COG5: variants seen among roughly 807,000 people sequenced by gnomAD.
COG5 encodes conserved oligomeric Golgi complex subunit 5.
COG5 carries 86 observed loss-of-function variants against 110.4 expected under a neutral mutation model. The observed-to-expected ratio is 0.78, with a 90% CI of 0.65 to 0.93. COG5 has a LOEUF of 0.93. Among genes scored for constraint, COG5 ranks in the 40% least tolerant of loss-of-function variants. The pLI, the probability that COG5 is intolerant of heterozygous loss-of-function variation, is 0.00. For synonymous variants in COG5, 360 were observed against 334.6 expected (o/e 1.08, Z -0.83); for missense variants, 1,077 against 987.0 (o/e 1.09, Z -1.22).
chr7:107,415,826 A>G (rs1265334797), intron 6 of COG5, among the ~76,000 whole-genome samples: 4 of 85,260 alleles, frequency 4.7e-5, no homozygotes, highest in Non-Finnish European at 1.1e-4. Flanking sequence ...ACATACACGT[A>G]TGTATGTATG....
At chr7:107,245,888 A>G (rs866722209) in intron 17 of COG5, among the ~76,000 whole-genome samples, 6 of 152,206 alleles carry the variant, frequency 3.9e-5, no homozygotes, top group African/African-American at 1.4e-4. Flanking sequence ...TGGGACCAAA[A>G]AAGAGCCTGA....
intron 11 of COG5, among the ~76,000 whole-genome samples, chr7:107,320,408 T>C (rs1809154551): frequency 6.6e-6 from 1 of 152,218 alleles, no homozygotes; most frequent in South Asian, 2.1e-4. Flanking sequence ...CCATAGATCA[T>C]TCAAACATCC....
chr7:107,552,299 G>A (rs1045635279), intron 3 of COG5, among the ~76,000 whole-genome samples: 1 of 152,046 alleles, frequency 6.6e-6, no homozygotes, highest in African/African-American at 2.4e-5. Context: ...ATTAAAACTA[G>A]TGAGCTTCTG....
At chr7:107,430,619 A>G (rs945856188) in intron 6 of COG5, among the ~76,000 whole-genome samples, 1 of 152,192 alleles carries the variant, frequency 6.6e-6, no homozygotes, top group Non-Finnish European at 1.5e-5. Context: ...TATGAATTTT[A>G]GGATCATTTT....
In COG5 at chr7:107,250,692, T is replaced by TA. The variant is rs201671762; in HGVS notation, c.1750-2194dup. Among the ~76,000 whole-genome samples the TA allele has an allele frequency of 1.9e-3, 291 of 151,080 alleles. 2 individuals are homozygous for TA. Among genetic ancestry groups the TA allele is most frequent in the African/African-American group, 6.3e-3 (259 of 41,182 alleles). On this transcript the variant is annotated intron_variant, in intron 16 of 21. Transcript: ENST00000297135. ...AATCTCAGTAGAGTGAATGAAAATG[T>TA]AAAAAAAAAGTTATATTTAAACTTA...
chr7:107,235,567 G>A (rs1046421781), intron 18 of COG5, among the ~76,000 whole-genome samples: 7 of 152,188 alleles, frequency 4.6e-5, no homozygotes, highest in African/African-American at 1.7e-4. Context: ...TCCAGGCGTG[G>A]TGGCGCGTGC....
intron 5 of COG5, among the ~76,000 whole-genome samples, chr7:107,530,929 C>G (rs2129160096): frequency 6.6e-6 from 1 of 152,226 alleles, no homozygotes; most frequent in South Asian, 2.1e-4. Context: ...ACACACAGAT[C>G]AGGAGACAGG....
At chr7:107,235,452 C>T (rs1447383913) in intron 18 of COG5, among the ~76,000 whole-genome samples, 2 of 152,220 alleles carry the variant, frequency 1.3e-5, no homozygotes, top group African/African-American at 4.8e-5. Flanking sequence ...CGCCTGTAAT[C>T]CCAACACTTT....
In COG5 at chr7:107,258,399, T is replaced by G; in HGVS notation, c.1576-16A>C. 1 of 1,404,440 alleles carries G rather than the reference T, an allele frequency of 7.1e-7. No individual in the cohort carries two copies. The highest frequency in any genetic ancestry group is 1.0e-6 in the Non-Finnish European group (1 of 989,178). 87.0% of individuals were successfully genotyped at this position (1,404,440 alleles called of 1,614,324 possible). On this transcript the variant is annotated splice_polypyrimidine_tract_variant and intron_variant, in intron 14 of 21. Coordinates refer to ENST00000297135, the MANE Select transcript of COG5 (RefSeq NM_006348.5). Reference sequence around the variant, plus strand: ...GTGTGGAGAGCTGTAAGAATTCAATTTCAAAAGAATGTGTCAGAATGATAA... The same window carrying G: ...GTGTGGAGAGCTGTAAGAATTCAATGTCAAAAGAATGTGTCAGAATGATAA...
At chr7:107,378,696 G>A (rs542259384) in intron 7 of COG5, among the ~76,000 whole-genome samples, 2 of 152,222 alleles carry the variant, frequency 1.3e-5, no homozygotes, top group Non-Finnish European at 1.5e-5. Flanking sequence ...TCAGCTCAAT[G>A]AAATAAAGCA....
At chr7:107,225,874 C>T (rs1374487963) in intron 19 of COG5, among the ~76,000 whole-genome samples, 1 of 152,040 alleles carries the variant, frequency 6.6e-6, no homozygotes, top group Non-Finnish European at 1.5e-5. Context: ...GAAACCCCGT[C>T]TCTACTAAAA....
chr7:107,493,230 T>C (rs1286760508), intron 6 of COG5, among the ~76,000 whole-genome samples: 1 of 152,192 alleles, frequency 6.6e-6, no homozygotes, highest in Non-Finnish European at 1.5e-5. Flanking sequence ...CAACTTGTTC[T>C]TGGACTTTCT....
At chr7:107,360,224 T>C (rs148281292) in intron 10 of COG5, among the ~76,000 whole-genome samples, 242 of 152,204 alleles carry the variant, frequency 1.6e-3, no homozygotes, top group African/African-American at 5.5e-3. Flanking sequence ...ATACTGCAGG[T>C]CACCTCTCCA....
chr7:107,358,183 G>A (rs543458104), intron 10 of COG5, among the ~76,000 whole-genome samples: 1 of 152,126 alleles, frequency 6.6e-6, no homozygotes, highest in South Asian at 2.1e-4. Flanking sequence ...CTGTTCTTAT[G>A]TTGTTTGTAG....
chr7:107,350,932 A>T (rs186177193), intron 10 of COG5, among the ~76,000 whole-genome samples: 1 of 152,148 alleles, frequency 6.6e-6, no homozygotes, highest in Non-Finnish European at 1.5e-5. Flanking sequence ...TTATCTTTAC[A>T]TGTATCTATA....
chr7:107,412,660 A>T (rs896819763), intron 6 of COG5, 28 bp from the exon 7 acceptor site: 3 of 1,340,322 alleles, frequency 2.2e-6, no homozygotes, highest in Non-Finnish European at 3.2e-6. Context: ...ATACACATTC[A>T]AATATTTCAA....
At chr7:107,304,063 T>C (rs1807501370) in intron 11 of COG5, among the ~76,000 whole-genome samples, 2 of 152,200 alleles carry the variant, frequency 1.3e-5, no homozygotes, top group South Asian at 2.1e-4. Context: ...ATTCTATGTA[T>C]TGTACTCCTA....
chr7:107,298,250 T>C lies in COG5; in HGVS notation c.1205A>G (p.His402Arg), dbSNP rs1480280679. The change falls in exon 12 of 22, where the codon CAT becomes CGT. Residue 402 changes from histidine (H) to arginine (R), a missense_variant. Transcript: ENST00000297135. ...ACTTGCATTAAAATTCCCTTGGATA[T>C]GCTGACTGTATTGTTGAAGACGCTT... ...LWKRLQQYSQ[H>R]IQGNFNASGT... The C allele has an allele frequency of 2.5e-6, 4 of 1,613,410 alleles. No individual in the cohort carries two copies. The highest frequency in any genetic ancestry group is 4.5e-5 in the East Asian group (2 of 44,820).
chr7:107,287,475 T>C (rs751245076), intron 12 of COG5, among the ~76,000 whole-genome samples: 2 of 152,204 alleles, frequency 1.3e-5, no homozygotes, highest in African/African-American at 2.4e-5. Context: ...AACTTTCATA[T>C]ATATAATTTA....
Sources: gnomAD v4.1 joint callset for allele counts (sites outside exome capture counted in the v4.1 genomes callset) on GRCh38, gnomAD v4.1.1 for gene constraint, MANE v1.5 for transcripts, NCBI Gene and HGNC (gene_info 2026-07-23, HGNC 2026-07-21) for gene names.